SERBP1: variants seen among roughly 807,000 people sequenced by gnomAD.
The protein encoded by SERBP1 is SERPINE1 mRNA binding protein 1.
SERBP1 carries 6 observed loss-of-function variants against 50.2 expected under a neutral mutation model. The observed-to-expected ratio is 0.12, with a 90% confidence interval of 0.07 to 0.24. SERBP1 has a LOEUF of 0.24. SERBP1 is among the 10% of genes least tolerant of loss of function. The pLI is 1.00. For synonymous variants in SERBP1, 168 were observed against 182.8 expected (o/e 0.92, Z 0.65); for missense variants, 346 against 524.9 (o/e 0.66, Z 3.33).
Position 67,418,057 on chromosome 1 carries a change from C to T in SERBP1, c.951+1952G>A, listed in dbSNP as rs148469421. Among the ~76,000 whole-genome samples, 814 of 134,762 alleles carry T rather than the reference C, an allele frequency of 6.0e-3. 5 individuals carry two copies. The highest frequency in any genetic ancestry group is 0.021 in the African/African-American group (787 of 36,880). 88.4% of individuals were successfully genotyped at this position (134,762 alleles called of 152,430 possible). On this transcript the variant is annotated intron_variant, in intron 6 of 7. Transcript: ENST00000361219. ...GTGGTGTGATCTCAGCTCACTGCAA[C>T]CTCTGCCTCCTGTGTTAAAGTGATT...
rs978220611 is a variant in SERBP1 at position 67,412,268 on chromosome 1, C to A, written c.*939G>T. On this transcript the variant is annotated 3_prime_UTR_variant, in exon 8 of 8. Transcript: ENST00000361219. The stretch of plus-strand genomic sequence containing the variant: ...ACAGAAATCATACCAAATGGCCAGA[C>A]ACTTATTTTACAGAACAGTTTAAAT... 5 of 152,642 alleles carry A rather than the reference C, an allele frequency of 3.3e-5. No homozygotes were observed. Among genetic ancestry groups the A allele is most frequent in the African/African-American group, 1.2e-4 (5 of 41,456 alleles). 9.5% of individuals were successfully genotyped at this position (152,642 alleles called of 1,614,324 possible). A position where few individuals can be genotyped will look rare whatever the true frequency, so the allele number is the denominator to read the frequency against.
Position 67,424,246 on chromosome 1 carries a change from T to C in SERBP1, c.727A>G (p.Thr243Ala). ...GGATGATGTTCTTCACCTTCAGGTG[T>C]TTCCTCAGTCACATTTGATTGATCC... ...DLDQSNVTEETPEGEEHHPVA... is the reference protein window; with the variant it reads ...DLDQSNVTEEAPEGEEHHPVA... Residue 243 changes from threonine to alanine, a missense_variant, in exon 5 of 8, where the codon ACA becomes GCA. Thr to Ala is a moderately conservative substitution (Grantham distance 58, BLOSUM62 0). Transcript: ENST00000361219. The C allele has an allele frequency of 3.1e-6, 5 of 1,612,876 alleles. No individual in the cohort carries two copies. The highest frequency in any genetic ancestry group is 4.2e-6 in the Non-Finnish European group (5 of 1,179,418).
chr1:67,425,290 A>G, intron 2 of SERBP1, 67 bp from the exon 3 acceptor site: 1 of 1,433,722 alleles, frequency 7.0e-7, no homozygotes, highest in Non-Finnish European at 9.4e-7. Context: ...TTCATCCAAA[A>G]GATCAAAAAT....
chr1:67,430,361 G>T lies in SERBP1; in HGVS notation c.-61C>A, dbSNP rs542158366. On this transcript the variant is annotated 5_prime_UTR_variant, in exon 1 of 8. Coordinates refer to ENST00000361219, the MANE Select transcript of SERBP1 (RefSeq NM_001018069.2). ...CAGCGGGCCGCGCCGAGCCAAGAGC[G>T]CCTGCTTCAGCTCTTCCCACAAGAT... The T allele has an allele frequency of 1.2e-5, 17 of 1,458,446 alleles. No individual in the cohort carries two copies. In the East Asian group the frequency reaches 3.1e-4, roughly 27 times the overall value. 90.3% of individuals were successfully genotyped at this position (1,458,446 alleles called of 1,614,324 possible). A position where few individuals can be genotyped will look rare whatever the true frequency, so the allele number is the denominator to read the frequency against.
chr1:67,426,020 T>A, intron 2 of SERBP1, 115 bp downstream of exon 2: 1 of 852,880 alleles, frequency 1.2e-6, no homozygotes, highest in South Asian at 1.9e-5. Flanking sequence ...GAGACTGAGA[T>A]GAGAGGATCA....
chr1:67,423,612 A>G (rs1667277531), intron 5 of SERBP1, among the ~76,000 whole-genome samples: 1 of 152,056 alleles, frequency 6.6e-6, no homozygotes, highest in African/African-American at 2.4e-5. Context: ...GTCTCAAAAA[A>G]AGAAAAAAAA....
At position 67,408,600 on chromosome 1, in the gene SERBP1, G is replaced by A. The variant is rs1435556142; in HGVS notation, c.*4607C>T. ...AAAAAAAAAAAAGATGCAATCTCCA[G>A]GAGCCATTAATTTCTGCCCCAGCTC... On this transcript the variant is annotated 3_prime_UTR_variant, in exon 8 of 8. Transcript: ENST00000361219. The A allele has an allele frequency of 6.7e-6, 1 of 148,694 alleles. No homozygotes were observed. Among genetic ancestry groups the A allele is most frequent in the Admixed American group, 6.7e-5 (1 of 14,966 alleles). The allele number at this position is 148,694 out of a possible 1,614,324, so 9.2% of individuals were successfully genotyped here.
rs771960664 is a variant in SERBP1 at position 67,430,329 on chromosome 1, C to A, written c.-29G>T. On this transcript the variant is annotated 5_prime_UTR_variant, in exon 1 of 8. Transcript: ENST00000361219. ...GGTGGCTCGGCGGCGCGTTCCTCCA[C>A]GGATTGCAGCGGGCCGCGCCGAGCC... 6.7e-7 allele frequency: 1 copy of A among 1,492,618 alleles called. No homozygotes were observed. Among genetic ancestry groups the A allele is most frequent in the East Asian group, 2.4e-5 (1 of 41,226 alleles). 92.5% of individuals were successfully genotyped at this position (1,492,618 alleles called of 1,614,324 possible).
At chr1:67,417,974 T>TG (rs1667075651) in intron 6 of SERBP1, among the ~76,000 whole-genome samples, 1 of 131,798 alleles carries the variant, frequency 7.6e-6, no homozygotes, top group African/African-American at 2.9e-5. Context: ...AAGTGTTGTT[T>TG]TTTTTTTTTT....
intron 5 of SERBP1, among the ~76,000 whole-genome samples, chr1:67,420,948 A>G (rs929579901): frequency 2.0e-5 from 3 of 152,186 alleles, no homozygotes; most frequent in Admixed American, 6.5e-5. Flanking sequence ...AGGATCCATT[A>G]TTTTAGTATA....
Position 67,422,510 on chromosome 1 carries a change from C to CA in SERBP1, c.773+1689dup, listed in dbSNP as rs983365701. Among the ~76,000 whole-genome samples, 599 of 136,740 alleles carry CA rather than the reference C, an allele frequency of 4.4e-3. 2 individuals carry two copies. Among genetic ancestry groups the CA allele is most frequent in the African/African-American group, 0.013 (483 of 37,348 alleles). The allele number at this position is 136,740 out of a possible 152,430, so 89.7% of individuals were successfully genotyped here. On this transcript the variant is annotated intron_variant, in intron 5 of 7. Coordinates refer to ENST00000361219, the MANE Select transcript of SERBP1 (RefSeq NM_001018069.2). ...AGGCAACAAGAGCAAAACTCCATCT[C>CA]AAAAAAAAAAAAGAAAAAAGAAAAA...
rs1324359271 is a variant in SERBP1 at position 67,412,146 on chromosome 1, T to C, written c.*1061A>G. ...ATTAAAATACTCCCCCACCTCACCC[T>C]ACCAACCAGCGCCCTTTGGTTTTTG... On this transcript the variant is annotated 3_prime_UTR_variant, in exon 8 of 8. Coordinates refer to ENST00000361219, the MANE Select transcript of SERBP1 (RefSeq NM_001018069.2). 2 of 152,660 alleles carry C rather than the reference T, an allele frequency of 1.3e-5. No individual in the cohort carries two copies. Among genetic ancestry groups the C allele is most frequent in the African/African-American group, 4.8e-5 (2 of 41,468 alleles). 9.5% of individuals were successfully genotyped at this position (152,660 alleles called of 1,614,324 possible). A position where few individuals can be genotyped will look rare whatever the true frequency, so the allele number is the denominator to read the frequency against.
At chr1:67,428,685 A>T (rs1005658765) in intron 1 of SERBP1, among the ~76,000 whole-genome samples, 6 of 148,962 alleles carry the variant, frequency 4.0e-5, no homozygotes. Flanking sequence ...ATTTTCTTTT[A>T]TTCACCACCT....
At chr1:67,429,838 G>C in intron 1 of SERBP1, 150 bp downstream of exon 1, 2 of 933,554 alleles carry the variant, frequency 2.1e-6, no homozygotes, top group Non-Finnish European at 3.2e-6. Context: ...CACCTTCGCA[G>C]GACCGGACTT....
intron 5 of SERBP1, among the ~76,000 whole-genome samples, chr1:67,421,830 TG>T (rs1667206666): frequency 1.3e-5 from 2 of 152,124 alleles, no homozygotes; most frequent in African/African-American, 4.8e-5. Flanking sequence ...GGAGCATGCC[TG>T]TAGTCCCAGT....
chr1:67,429,129 GAACTCTA>G (rs1557509489), intron 1 of SERBP1, among the ~76,000 whole-genome samples: 1 of 151,934 alleles, frequency 6.6e-6, no homozygotes. Context: ...AAAAAACTGC[GAACTCTA>G]AAGAGCTCTG....
chr1:67,410,842 G>A lies in SERBP1; in HGVS notation c.*2365C>T, dbSNP rs1259573418. ...AGTCCTTGGATTTTGTATTTTACAA[G>A]AATTCAACTTTCCCAATTAAGTCAT... On this transcript the variant is annotated 3_prime_UTR_variant, in exon 8 of 8. Transcript: ENST00000361219. The A allele has an allele frequency of 2.0e-5, 3 of 152,116 alleles. No individual in the cohort carries two copies. Among genetic ancestry groups the A allele is most frequent in the Non-Finnish European group, 2.9e-5 (2 of 67,992 alleles). 9.4% of individuals were successfully genotyped at this position (152,116 alleles called of 1,614,324 possible). A position where few individuals can be genotyped will look rare whatever the true frequency, so the allele number is the denominator to read the frequency against.
At position 67,424,469 on chromosome 1, in the gene SERBP1, ATAAAC is replaced by A. The variant is rs1378276399; in HGVS notation, c.696-197_696-193del. The A allele has an allele frequency of 9.4e-6, 6 of 639,026 alleles. No homozygotes were observed. The African/African-American group carries it at 1.1e-4, about 12-fold the overall frequency. 39.6% of individuals were successfully genotyped at this position (639,026 alleles called of 1,614,324 possible). ...CAGAAGACGTCGAAAAGTAAACAAT[ATAAAC>A]TAGTTAGTTCATATACTTCATACTT... On this transcript the variant is annotated intron_variant, in intron 4 of 7. Transcript: ENST00000361219.
intron 6 of SERBP1, among the ~76,000 whole-genome samples, chr1:67,419,168 T>C (rs1667125748): frequency 6.6e-6 from 1 of 152,250 alleles, no homozygotes; most frequent in South Asian, 2.1e-4. Context: ...CTTTTCTTCC[T>C]ATCCAAAATA....
Sources: gnomAD v4.1 joint callset for allele counts (sites outside exome capture counted in the v4.1 genomes callset) on GRCh38, gnomAD v4.1.1 for gene constraint, MANE v1.5 for transcripts, NCBI Gene and HGNC (gene_info 2026-07-23, HGNC 2026-07-21) for gene names.